RARS2: variants seen among roughly 807,000 people sequenced by gnomAD.
RARS2 encodes arginyl-tRNA synthetase 2, mitochondrial, also known as probable arginine--tRNA ligase, mitochondrial.
Under a neutral mutation model 88.5 loss-of-function variants are expected in RARS2, and 67 were observed. That is an observed-to-expected ratio of 0.76 (90% CI 0.62 to 0.93). RARS2 has a LOEUF of 0.93. Ranked by LOEUF, RARS2 falls within the 40% of genes least tolerant of loss-of-function variation. The pLI is 0.00. For missense variants in RARS2, 664 were observed against 684.2 expected (o/e 0.97, Z 0.33); for synonymous variants, 239 against 230.3 (o/e 1.04, Z -0.34).
At chr6:87,523,384 C>T in intron 11 of RARS2, among the ~76,000 whole-genome samples, 1 of 152,140 alleles carries the variant, frequency 6.6e-6, no homozygotes. Context: ...TCTGCTATAA[C>T]AACTTTCATT....
chr6:87,589,298 C>T (rs1236005179), intron 1 of RARS2, among the ~76,000 whole-genome samples: 3 of 152,136 alleles, frequency 2.0e-5, no homozygotes, highest in Admixed American at 6.5e-5. Context: ...ACAGCTTGAG[C>T]CCAGGAGTTT....
chr6:87,519,381 A>C, intron 14 of RARS2: 1 of 553,700 alleles, frequency 1.8e-6, no homozygotes, highest in Non-Finnish European at 3.2e-6. Context: ...CCAAGGTTAT[A>C]GTAATTCAGA....
chr6:87,518,487 T>C (rs946749217), intron 16 of RARS2, 143 bp downstream of exon 16: 36 of 1,273,130 alleles, frequency 2.8e-5, no homozygotes, highest in Middle Eastern at 5.5e-4. Flanking sequence ...TTTTTTTTTT[T>C]CCTAAAAGAA....
chr6:87,545,330 C>T (rs1017657415), intron 7 of RARS2, among the ~76,000 whole-genome samples: 14 of 152,138 alleles, frequency 9.2e-5, no homozygotes, highest in Admixed American at 4.6e-4. Context: ...GTGATCCACC[C>T]GCCTTGGCCT....
chr6:87,530,368 T>G (rs1389425480), intron 9 of RARS2, among the ~76,000 whole-genome samples: 1 of 152,226 alleles, frequency 6.6e-6, no homozygotes, highest in Non-Finnish European at 1.5e-5. Flanking sequence ...ATCTTTAATT[T>G]GTTTAGTTTG....
intron 5 of RARS2, among the ~76,000 whole-genome samples, chr6:87,551,496 C>T (rs950293791): frequency 6.6e-6 from 1 of 151,480 alleles, no homozygotes; most frequent in African/African-American, 2.4e-5. Flanking sequence ...CGTGGTGGTG[C>T]ATGCCTGTAG....
At chr6:87,573,019 C>A (rs1173630925) in intron 1 of RARS2, among the ~76,000 whole-genome samples, 1 of 152,040 alleles carries the variant, frequency 6.6e-6, no homozygotes, top group African/African-American at 2.4e-5. Context: ...ATATAAATAA[C>A]AAGACAGTAG....
At chr6:87,530,978 A>G (rs755855094) in intron 8 of RARS2, 36 bp from the exon 9 acceptor site, 1 of 1,612,382 alleles carries the variant, frequency 6.2e-7, no homozygotes, top group Non-Finnish European at 8.5e-7. Context: ...GAAGTACATA[A>G]CAGGTCATTG....
intron 6 of RARS2, among the ~76,000 whole-genome samples, chr6:87,546,086 CCT>C (rs1053882231): frequency 1.3e-5 from 2 of 151,990 alleles, no homozygotes; most frequent in Non-Finnish European, 2.9e-5. Flanking sequence ...TTGTATTTTC[CCT>C]TTTTGTGTTT....
Position 87,551,766 on chromosome 6 carries a change from C to G in RARS2, c.396-3120G>C, listed in dbSNP as rs186258160. Among the ~76,000 whole-genome samples, 9 of 151,928 alleles carry G rather than the reference C, an allele frequency of 5.9e-5. No homozygotes were observed. In the East Asian group the frequency reaches 1.5e-3, roughly 26 times the overall value. On this transcript the variant is annotated intron_variant, in intron 5 of 19. Transcript: ENST00000369536. Reference sequence around the variant, plus strand: ...CTGACCTCCACAATTCTCATTTTACCAGCCAGAGGTCTCCAATCTGTTTTG... The same window carrying G: ...CTGACCTCCACAATTCTCATTTTACGAGCCAGAGGTCTCCAATCTGTTTTG...
intron 4 of RARS2, among the ~76,000 whole-genome samples, chr6:87,556,056 C>A (rs1384299184): frequency 6.6e-6 from 1 of 152,164 alleles, no homozygotes; most frequent in Non-Finnish European, 1.5e-5. Flanking sequence ...CATGCTGCTG[C>A]AGCTTTTGTG....
At chr6:87,518,788 A>AT (rs1772706238) in intron 15 of RARS2, 36 bp downstream of exon 15, 1 of 1,612,770 alleles carries the variant, frequency 6.2e-7, no homozygotes, top group Admixed American at 1.7e-5. Flanking sequence ...TCTAGTACCA[A>AT]ACAAAAGGGC....
chr6:87,515,848 C>T (rs1554169604), intron 18 of RARS2: 1 of 151,476 alleles, frequency 6.6e-6, no homozygotes, highest in Admixed American at 6.6e-5. Flanking sequence ...ATCCCAGCTA[C>T]TAGGGAGGCT....
chr6:87,521,277 C>T (rs1249957500), intron 12 of RARS2, among the ~76,000 whole-genome samples, 187 bp downstream of exon 12: 2 of 152,150 alleles, frequency 1.3e-5, no homozygotes, highest in Non-Finnish European at 2.9e-5. Flanking sequence ...TTTTTTCTTA[C>T]TATGAAGCAA....
At chr6:87,569,367 A>T in intron 2 of RARS2, 150 bp downstream of exon 2, 1 of 635,098 alleles carries the variant, frequency 1.6e-6, no homozygotes, top group Non-Finnish European at 2.8e-6. Flanking sequence ...AGTCAACAGG[A>T]GTAATAGGCT....
chr6:87,550,230 T>A (rs1236740952), intron 5 of RARS2, among the ~76,000 whole-genome samples: 1 of 152,238 alleles, frequency 6.6e-6, no homozygotes, highest in African/African-American at 2.4e-5. Flanking sequence ...CTTTAAATAA[T>A]CAGAAAGCCA....
At chr6:87,526,012 A>G (rs963587041) in intron 10 of RARS2, among the ~76,000 whole-genome samples, 4 of 152,358 alleles carry the variant, frequency 2.6e-5, no homozygotes, top group Admixed American at 2.6e-4. Context: ...AAAGAAATCA[A>G]AACACAGATA....
chr6:87,545,146 T>C (rs150945893), intron 7 of RARS2, among the ~76,000 whole-genome samples: 169 of 152,350 alleles, frequency 1.1e-3, no homozygotes, highest in African/African-American at 4.0e-3. Context: ...TCAACCACGC[T>C]GGGTGCAGTG....
At chr6:87,545,490 A>G in intron 7 of RARS2, 126 bp downstream of exon 7, 3 of 1,280,554 alleles carry the variant, frequency 2.3e-6, no homozygotes, top group Non-Finnish European at 3.2e-6. Context: ...TTAGGGAAAA[A>G]AAAAAAAAAA....
Sources: allele counts gnomAD v4.1 joint callset (sites outside exome capture counted in the v4.1 genomes callset), GRCh38; gene constraint gnomAD v4.1.1; transcripts MANE v1.5; gene names NCBI Gene and HGNC (gene_info 2026-07-23, HGNC 2026-07-21).